SEMA3E: variants seen among roughly 807,000 people sequenced by gnomAD.
SEMA3E encodes semaphorin-3E.
Under a neutral mutation model 93.6 loss-of-function variants are expected in SEMA3E, and 49 were observed. That is an observed-to-expected ratio of 0.52 (90% CI 0.42 to 0.66). SEMA3E has a LOEUF of 0.66. Among genes scored for constraint, SEMA3E ranks in the 30% least tolerant of loss-of-function variants. The pLI, the probability that SEMA3E is intolerant of heterozygous loss-of-function variation, is 0.00. For missense variants in SEMA3E, 906 were observed against 964.8 expected, an observed-to-expected ratio of 0.94 and a Z score of 0.81; for synonymous variants, 363 against 330.7, an observed-to-expected ratio of 1.10 and a Z score of -1.06.
chr7:83,604,432 T>A (rs1318197244), intron 1 of SEMA3E, among the ~76,000 whole-genome samples: 3 of 150,266 alleles, frequency 2.0e-5, no homozygotes, highest in African/African-American at 4.9e-5. Context: ...TCTCTCTATA[T>A]ATATATGTAT....
At chr7:83,539,938 T>C (rs915016330) in intron 1 of SEMA3E, among the ~76,000 whole-genome samples, 1 of 148,772 alleles carries the variant, frequency 6.7e-6, no homozygotes, top group East Asian at 2.0e-4. Flanking sequence ...TGGAGTGTAG[T>C]GGCTCAATCT....
rs1788257565 is a variant in SEMA3E at position 83,402,833 on chromosome 7, C to T, written c.999-57G>A. 1.1e-5 allele frequency: 16 copies of T among 1,508,788 alleles called. No individual in the cohort carries two copies. In the South Asian group the frequency reaches 1.7e-4, roughly 16 times the overall value. 93.5% of individuals were successfully genotyped at this position (1,508,788 alleles called of 1,614,324 possible). A position where few individuals can be genotyped will look rare whatever the true frequency, so the allele number is the denominator to read the frequency against. ...TGGAACTAACTGCAGGTCATCTAGC[C>T]AAATACCCCAGCCTACAAAGATAAG... is the stretch of plus-strand genomic sequence containing the variant. On this transcript the variant is annotated intron_variant, in intron 9 of 16. Coordinates refer to ENST00000643230, the MANE Select transcript of SEMA3E (RefSeq NM_012431.3).
chr7:83,558,847 G>A (rs1265057822), intron 1 of SEMA3E, among the ~76,000 whole-genome samples: 1 of 151,886 alleles, frequency 6.6e-6, no homozygotes, highest in African/African-American at 2.4e-5. Context: ...ATATTTTAGT[G>A]AAAAAAGAAA....
chr7:83,540,483 T>C (rs1791503792), intron 1 of SEMA3E, among the ~76,000 whole-genome samples: 1 of 152,194 alleles, frequency 6.6e-6, no homozygotes, highest in Non-Finnish European at 1.5e-5. Flanking sequence ...GACTCAGCCA[T>C]ATATTATGTC....
At chr7:83,440,104 G>C (rs1304366724) in intron 4 of SEMA3E, among the ~76,000 whole-genome samples, 2 of 152,038 alleles carry the variant, frequency 1.3e-5, no homozygotes. Context: ...TTCCTTTATT[G>C]CTTCATCACA....
At chr7:83,461,317 A>C (rs1789611757) in intron 4 of SEMA3E, among the ~76,000 whole-genome samples, 1 of 152,030 alleles carries the variant, frequency 6.6e-6, no homozygotes, top group Non-Finnish European at 1.5e-5. Context: ...TCTACAGACC[A>C]ATCTGACCTC....
At chr7:83,564,911 GT>G (rs1792110342) in intron 1 of SEMA3E, among the ~76,000 whole-genome samples, 1 of 152,070 alleles carries the variant, frequency 6.6e-6, no homozygotes, top group Admixed American at 6.5e-5. Flanking sequence ...CCAGGTGCTG[GT>G]TTTTTGAAAA....
At position 83,459,691 on chromosome 7, in the gene SEMA3E, A is replaced by G. The variant is rs1274733468; in HGVS notation, c.456+6791T>C. ...ATTGTCAGGCCTCTGAGCCCAAGCC[A>G]AGCCATCGCATCCCCTGTGACTTGC... On this transcript the variant is annotated intron_variant, in intron 4 of 16. Transcript: ENST00000643230. 2.6e-5 allele frequency among the ~76,000 whole-genome samples: 4 copies of G among 152,312 alleles called. No homozygotes were observed. In the East Asian group the frequency reaches 7.7e-4, roughly 29 times the overall value.
At chr7:83,481,106 T>A (rs1284232530) in intron 2 of SEMA3E, among the ~76,000 whole-genome samples, 1 of 152,142 alleles carries the variant, frequency 6.6e-6, no homozygotes, top group Non-Finnish European at 1.5e-5. Context: ...CCCATCCCAA[T>A]TTAGAGACTT....
intron 1 of SEMA3E, among the ~76,000 whole-genome samples, chr7:83,514,385 C>T (rs764028705): frequency 3.9e-5 from 6 of 151,982 alleles, no homozygotes; most frequent in African/African-American, 1.2e-4. Flanking sequence ...AAAGGGGTCC[C>T]GATACAGTCC....
intron 1 of SEMA3E, among the ~76,000 whole-genome samples, chr7:83,526,867 T>TTGTGGCTGCACG (rs1233877556): frequency 3.3e-5 from 5 of 152,202 alleles, no homozygotes; most frequent in South Asian, 4.1e-4. Flanking sequence ...TAGTCTCATA[T>TTGTGGCTGCACG]TGTGGCTGCA....
intron 9 of SEMA3E, among the ~76,000 whole-genome samples, chr7:83,405,146 C>T (rs1169443249): frequency 6.6e-6 from 1 of 151,566 alleles, no homozygotes; most frequent in Non-Finnish European, 1.5e-5. Flanking sequence ...TGATATCTTA[C>T]AAACTGTATG....
At chr7:83,414,655 T>C (rs951042586) in intron 5 of SEMA3E, among the ~76,000 whole-genome samples, 2 of 152,136 alleles carry the variant, frequency 1.3e-5, no homozygotes, top group African/African-American at 4.8e-5. Flanking sequence ...ATAAAATATC[T>C]TATTAGTGAT....
Position 83,392,599 on chromosome 7 carries a change from G to A in SEMA3E, c.1623C>T (p.Gly541=), listed in dbSNP as rs1251796490. The change falls in exon 14 of 17, where the codon GGC becomes GGT. Residue 541 remains glycine (G), a synonymous_variant. Coordinates refer to ENST00000643230, the MANE Select transcript of SEMA3E (RefSeq NM_012431.3). ...LARDPYCAWD[G]ISCSRYYPTG... is the part of the protein sequence containing the mutation. ...TTGGGTAATACCGGGAGCAGGATAT[G>A]CCATCCCAGGCACAGTAAGGGTCTC... is the stretch of plus-strand genomic sequence containing the variant. The A allele has an allele frequency of 1.2e-6, 2 of 1,613,690 alleles. No homozygotes were observed. Among genetic ancestry groups the A allele is most frequent in the South Asian group, 2.2e-5 (2 of 91,076 alleles).
chr7:83,420,717 A>G lies in SEMA3E; in HGVS notation c.457-2234T>C, dbSNP rs375563400. ...TTGACAAAGTTGACAAAAATAAGCAATGAGGAAAGGACTCCCTATTCAATA... is the reference window on the plus strand; with the variant it reads ...TTGACAAAGTTGACAAAAATAAGCAGTGAGGAAAGGACTCCCTATTCAATA... On this transcript the variant is annotated intron_variant, in intron 4 of 16. Transcript: ENST00000643230. Among the ~76,000 whole-genome samples, 17 of 152,316 alleles carry G rather than the reference A, an allele frequency of 1.1e-4. No individual in the cohort carries two copies. The East Asian group carries it at 2.9e-3, about 26-fold the overall frequency.
intron 1 of SEMA3E, among the ~76,000 whole-genome samples, chr7:83,513,970 G>A (rs1016097811): frequency 1.3e-5 from 2 of 152,130 alleles, no homozygotes; most frequent in Non-Finnish European, 2.9e-5. Context: ...ATCACAGGAT[G>A]AGATAGGAGG....
At chr7:83,372,095 C>T (rs1794757234) in intron 16 of SEMA3E, 1 of 391,492 alleles carries the variant, frequency 2.6e-6, no homozygotes, top group South Asian at 1.4e-4. Flanking sequence ...TGAGAACATA[C>T]TAATTCATTT....
rs570078957 is a variant in SEMA3E, at chr7:83,647,923, T to G, written c.115+505A>C. 3.9e-5 allele frequency among the ~76,000 whole-genome samples: 6 copies of G among 152,328 alleles called. No individual in the cohort carries two copies. The South Asian group carries it at 1.2e-3, about 32-fold the overall frequency. ...GATGATGACAGTTATGGGTAGGGCATCATTTTTCTCCTCGGGATTTTTATT... is the reference window on the plus strand; with the variant it reads ...GATGATGACAGTTATGGGTAGGGCAGCATTTTTCTCCTCGGGATTTTTATT... On this transcript the variant is annotated intron_variant, in intron 1 of 16. Transcript: ENST00000643230.
At chr7:83,635,479 T>C (rs1194891117) in intron 1 of SEMA3E, among the ~76,000 whole-genome samples, 4 of 151,898 alleles carry the variant, frequency 2.6e-5, no homozygotes, top group Non-Finnish European at 4.4e-5. Flanking sequence ...GTGTGCTTTC[T>C]TCTTAATATG....
Sources: allele counts gnomAD v4.1 joint callset (sites outside exome capture counted in the v4.1 genomes callset), GRCh38; gene constraint gnomAD v4.1.1; transcripts MANE v1.5; gene names NCBI Gene and HGNC (gene_info 2026-07-23, HGNC 2026-07-21).